Variants in NTM observed in about 807,000 individuals in gnomAD.
The protein encoded by NTM is IgLON family member 2.
A neutral mutation model predicts 42.1 loss-of-function variants in NTM; 13 were observed. That is an observed-to-expected ratio of 0.31 (90% confidence interval 0.20 to 0.49). NTM has a LOEUF of 0.49. Among genes scored for constraint, NTM ranks in the 20% least tolerant of loss-of-function variants. NTM has a pLI of 0.99. For synonymous variants in NTM, 187 were observed against 179.2 expected, an observed-to-expected ratio of 1.04 and a Z score of -0.35; for missense variants, 373 against 452.8, an observed-to-expected ratio of 0.82 and a Z score of 1.60.
chr11:131,427,119 C>CA (rs1948199049), intron 1 of NTM, among the ~76,000 whole-genome samples: 2 of 151,894 alleles, frequency 1.3e-5, no homozygotes, highest in Admixed American at 1.3e-4. Flanking sequence ...TGAAAGGTAG[C>CA]AGCAGTCTCG....
chr11:131,564,611 TATC>T (rs1301477650), intron 1 of NTM, among the ~76,000 whole-genome samples: 2 of 152,212 alleles, frequency 1.3e-5, no homozygotes, highest in Non-Finnish European at 2.9e-5. Context: ...ATACTCATGT[TATC>T]ATCACTACCA....
At chr11:132,221,557 C>T (rs2085165532) in intron 4 of NTM, among the ~76,000 whole-genome samples, 1 of 151,904 alleles carries the variant, frequency 6.6e-6, no homozygotes, top group Admixed American at 6.6e-5. Context: ...GTCTCTGGAC[C>T]ATTGCATCAA....
intron 1 of NTM, among the ~76,000 whole-genome samples, chr11:131,497,826 C>T (rs1436906509): frequency 2.6e-5 from 4 of 152,168 alleles, no homozygotes; most frequent in Non-Finnish European, 5.9e-5. Context: ...CCCTCCTAGC[C>T]TGTATCACCT....
In NTM at chr11:131,598,919, C is replaced by CCTTT. The variant is rs1555161715; in HGVS notation, c.82+228034_82+228035insTCTT. 2.4e-4 allele frequency among the ~76,000 whole-genome samples: 34 copies of CCTTT among 139,978 alleles called. 1 individual carries two copies. The highest frequency in any genetic ancestry group is 6.8e-4 in the Admixed American group (9 of 13,178). 91.8% of individuals were successfully genotyped at this position (139,978 alleles called of 152,430 possible). On this transcript the variant is annotated intron_variant, in intron 1 of 8. Coordinates refer to ENST00000683400, the MANE Select transcript of NTM (RefSeq NM_001352005.2). ...TCCTTCCTTCCTTCCTTCCTTCCTT[C>CCTTT]CTTCTTTCCTTTCAGACAGAGTCTC...
At chr11:132,064,052 A>C (rs776409720) in intron 2 of NTM, among the ~76,000 whole-genome samples, 1 of 152,188 alleles carries the variant, frequency 6.6e-6, no homozygotes, top group Non-Finnish European at 1.5e-5. Context: ...GAGGAGGGAC[A>C]TCATGTTGGA....
intron 1 of NTM, among the ~76,000 whole-genome samples, chr11:131,475,551 A>G (rs1009924508): frequency 4.6e-5 from 7 of 152,182 alleles, no homozygotes; most frequent in African/African-American, 1.7e-4. Context: ...TATCACAGTC[A>G]ACATCACACA....
chr11:131,597,545 C>T (rs1021528582), intron 1 of NTM, among the ~76,000 whole-genome samples: 2 of 152,154 alleles, frequency 1.3e-5, no homozygotes, highest in Non-Finnish European at 2.9e-5. Flanking sequence ...AGGCCTAAGG[C>T]GCGCAAGTTC....
chr11:132,086,590 A>G (rs1316903091), intron 2 of NTM, among the ~76,000 whole-genome samples: 1 of 152,220 alleles, frequency 6.6e-6, no homozygotes, highest in African/African-American at 2.4e-5. Context: ...GTGACCTCAC[A>G]GGTGAAACCA....
chr11:131,757,923 T>G (rs1374933478), intron 1 of NTM, among the ~76,000 whole-genome samples: 1 of 152,204 alleles, frequency 6.6e-6, no homozygotes, highest in Non-Finnish European at 1.5e-5. Context: ...AGGGATAAAA[T>G]GGATAAGTAG....
chr11:131,718,183 T>C (rs1216907138), intron 1 of NTM, among the ~76,000 whole-genome samples: 10 of 152,198 alleles, frequency 6.6e-5, no homozygotes, highest in African/African-American at 2.4e-4. Flanking sequence ...TTTCATAATG[T>C]CTTTTTCCAG....
chr11:131,845,709 A>AT (rs1023053400), intron 1 of NTM, among the ~76,000 whole-genome samples: 8 of 151,910 alleles, frequency 5.3e-5, no homozygotes, highest in South Asian at 2.1e-4. Flanking sequence ...ACATTCCTGG[A>AT]TTTTTTTTAA....
At chr11:132,245,001 G>A (rs1245931180) in intron 4 of NTM, among the ~76,000 whole-genome samples, 1 of 152,256 alleles carries the variant, frequency 6.6e-6, no homozygotes, top group Non-Finnish European at 1.5e-5. Flanking sequence ...GGCTCTGAGT[G>A]AGAACAGTCA....
intron 7 of NTM, among the ~76,000 whole-genome samples, chr11:132,324,429 G>C (rs1171292): frequency 0.27 from 39,355 of 146,856 alleles, 6,777 homozygotes; most frequent in Non-Finnish European, 0.39. Context: ...ACAATTGCTT[G>C]AAAGAGAATA....
intron 1 of NTM, among the ~76,000 whole-genome samples, chr11:131,792,911 G>GC (rs1395639279): frequency 6.6e-6 from 1 of 152,166 alleles, no homozygotes; most frequent in African/African-American, 2.4e-5. Context: ...TAGTTAAGTT[G>GC]CTTAATTTCT....
In NTM at chr11:132,125,255, G is replaced by A. The variant is rs377128241; in HGVS notation, c.168-21027G>A. 4.6e-5 allele frequency among the ~76,000 whole-genome samples: 7 copies of A among 151,524 alleles called. No homozygotes were observed. In the South Asian group the frequency reaches 1.3e-3, roughly 27 times the overall value. On this transcript the variant is annotated intron_variant, in intron 2 of 8. Transcript: ENST00000683400. ...GTCAAACCCTCCCTTAGAGTGTAAA[G>A]TAGAAGATAAATAATGTACTGGTGT...
chr11:131,396,237 G>T (rs1448060363), intron 1 of NTM, among the ~76,000 whole-genome samples: 1 of 152,112 alleles, frequency 6.6e-6, no homozygotes, highest in African/African-American at 2.4e-5. Context: ...TACAAAACGG[G>T]GTCCATATCT....
chr11:131,487,099 C>T (rs1390278042), intron 1 of NTM, among the ~76,000 whole-genome samples: 1 of 152,232 alleles, frequency 6.6e-6, no homozygotes, highest in African/African-American at 2.4e-5. Flanking sequence ...CTGGCTCCAC[C>T]ACCAGGAGGG....
intron 2 of NTM, among the ~76,000 whole-genome samples, chr11:131,923,651 A>G (rs2057534139): frequency 6.6e-6 from 1 of 152,218 alleles, no homozygotes; most frequent in African/African-American, 2.4e-5. Context: ...GAGAATAAGG[A>G]TTATTCTGCT....
chr11:132,112,025 A>G (rs1446984380), intron 2 of NTM, among the ~76,000 whole-genome samples: 1 of 152,252 alleles, frequency 6.6e-6, no homozygotes, highest in Non-Finnish European at 1.5e-5. Context: ...GCTCTGCCAT[A>G]CAACAAAAGG....
Sources: gnomAD v4.1 joint callset for allele counts (sites outside exome capture counted in the v4.1 genomes callset) on GRCh38, gnomAD v4.1.1 for gene constraint, MANE v1.5 for transcripts, NCBI Gene and HGNC (gene_info 2026-07-23, HGNC 2026-07-21) for gene names.